APTX: variants seen among roughly 807,000 people sequenced by gnomAD.
APTX encodes aprataxin, also known as forkhead-associated domain histidine triad-like protein.
APTX carries 33 observed loss-of-function variants against 42.3 expected under a neutral mutation model. The ratio of observed to expected loss-of-function variants is 0.78; its 90% confidence interval spans 0.59 to 1.04. APTX has a LOEUF of 1.04. APTX is among the 50% of genes least tolerant of loss of function. The probability of loss-of-function intolerance (pLI) is 0.00; values close to 1 mark genes in which losing one functional copy is unlikely to be tolerated. For missense variants in APTX, 421 were observed against 415.1 expected (o/e 1.01, Z -0.12); for synonymous variants, 130 against 146.7 (o/e 0.89, Z 0.82).
chr9:33,010,995 T>TAAAGAAAAA, intron 1 of APTX, among the ~76,000 whole-genome samples: 1 of 151,794 alleles, frequency 6.6e-6, no homozygotes, highest in South Asian at 2.1e-4. Context: ...GTACAAAAAT[T>TAAAGAAAAA]AACAGAGCGT....
At chr9:32,985,288 T>C (rs559044633) in intron 5 of APTX, among the ~76,000 whole-genome samples, 1 of 151,916 alleles carries the variant, frequency 6.6e-6, no homozygotes, top group South Asian at 2.1e-4. Context: ...AGGAATATAA[T>C]TGAAGTGGGA....
upstream of APTX, among the ~76,000 whole-genome samples, chr9:33,005,932 G>A (rs1179928008): frequency 1.3e-5 from 2 of 151,976 alleles, no homozygotes; most frequent in Non-Finnish European, 2.9e-5. Flanking sequence ...CCATCAGTCT[G>A]TATGTCTGTC....
At chr9:33,004,631 T>G (rs1045238696), upstream of APTX, among the ~76,000 whole-genome samples, 1 of 58,540 alleles carries the variant, frequency 1.7e-5, no homozygotes, top group African/African-American at 5.6e-5. Flanking sequence ...TTGCCAACCC[T>G]TTTTTTTTTT....
chr9:33,018,174 G>T (rs1360996440), intron 1 of APTX, among the ~76,000 whole-genome samples: 2 of 150,248 alleles, frequency 1.3e-5, no homozygotes, highest in Non-Finnish European at 3.0e-5. Context: ...GCGGTGGCAC[G>T]ATCTCAGCTT....
At chr9:33,001,789 A>G, upstream of APTX, 1 of 740,894 alleles carries the variant, frequency 1.3e-6, no homozygotes, top group Non-Finnish European at 2.3e-6. Flanking sequence ...CCTGGAAGTT[A>G]TGCCTGTGGG....
chr9:33,008,361 T>C (rs561757265), intron 1 of APTX, among the ~76,000 whole-genome samples: 2 of 152,082 alleles, frequency 1.3e-5, no homozygotes, highest in South Asian at 4.1e-4. Flanking sequence ...ATAACCTTTA[T>C]GATATTAAGG....
intron 6 of APTX, among the ~76,000 whole-genome samples, chr9:32,978,763 G>A (rs183693436): frequency 7.4e-4 from 113 of 152,298 alleles, no homozygotes; most frequent in Non-Finnish European, 1.4e-3. Context: ...GTGGGGGACA[G>A]GAGAGCAGGA....
At chr9:33,011,507 G>C (rs1012817430) in intron 1 of APTX, among the ~76,000 whole-genome samples, 1 of 151,850 alleles carries the variant, frequency 6.6e-6, no homozygotes, top group African/African-American at 2.4e-5. Context: ...GGCTGGTCTC[G>C]AACTCCTGAC....
rs1420592729 is a variant in APTX, at chr9:32,973,259, T to A, written c.*239A>T. 1 of 613,850 alleles carries A rather than the reference T, an allele frequency of 1.6e-6. No individual in the cohort carries two copies. The highest frequency in any genetic ancestry group is 3.0e-6 in the Non-Finnish European group (1 of 330,998). 38.0% of individuals were successfully genotyped at this position (613,850 alleles called of 1,614,324 possible). ...CTGACATGGGTCCTTCTGAAGATGG[T>A]GGGTCAGGTATATCCCAGCCACCCT... is the stretch of plus-strand genomic sequence containing the variant. On this transcript the variant is annotated 3_prime_UTR_variant, in exon 8 of 8. Coordinates refer to ENST00000379817, the MANE Select transcript of APTX (RefSeq NM_001195248.2).
intron 1 of APTX, among the ~76,000 whole-genome samples, chr9:33,022,716 A>C (rs1838486518): frequency 6.6e-6 from 1 of 152,260 alleles, no homozygotes; most frequent in Non-Finnish European, 1.5e-5. Context: ...TGACAAAGTG[A>C]AAAGGGCAAG....
chr9:32,982,404 T>A (rs1219999167), intron 6 of APTX, among the ~76,000 whole-genome samples: 1 of 152,194 alleles, frequency 6.6e-6, no homozygotes, highest in East Asian at 1.9e-4. Context: ...GGTCTACAGT[T>A]TAGTAAGTTA....
upstream of APTX, among the ~76,000 whole-genome samples, chr9:33,005,844 C>G (rs926709813): frequency 1.3e-5 from 2 of 152,184 alleles, no homozygotes; most frequent in African/African-American, 4.8e-5. Context: ...CCTTTCCTCA[C>G]TGAATGGTAT....
chr9:33,010,994 T>G (rs1200876012), intron 1 of APTX, among the ~76,000 whole-genome samples: 2 of 151,506 alleles, frequency 1.3e-5, no homozygotes, highest in Non-Finnish European at 2.9e-5. Flanking sequence ...AGTACAAAAA[T>G]TAACAGAGCG....
chr9:33,007,450 C>T (rs1837240784), intron 1 of APTX, among the ~76,000 whole-genome samples: 1 of 152,170 alleles, frequency 6.6e-6, no homozygotes, highest in Non-Finnish European at 1.5e-5. Flanking sequence ...AAGCAGTTAG[C>T]AGTTTACTGA....
intron 1 of APTX, chr9:32,997,393 T>C (rs1835195494): frequency 6.6e-6 from 1 of 152,118 alleles, no homozygotes. Flanking sequence ...ATAGTAGATG[T>C]GGTAAACATG....
At chr9:33,004,014 C>T (rs1836943027), upstream of APTX, among the ~76,000 whole-genome samples, 1 of 152,174 alleles carries the variant, frequency 6.6e-6, no homozygotes, top group African/African-American at 2.4e-5. Flanking sequence ...GAACATGGAA[C>T]CAACCTAAAT....
chr9:32,984,951 G>C (rs1831578905), intron 5 of APTX, 94 bp from the exon 6 acceptor site: 10 of 1,198,418 alleles, frequency 8.3e-6, no homozygotes, highest in Non-Finnish European at 1.2e-5. Context: ...AATTCCCACA[G>C]TCTTGTGCAA....
chr9:33,011,169 G>T (rs1837514327), intron 1 of APTX, among the ~76,000 whole-genome samples: 1 of 152,032 alleles, frequency 6.6e-6, no homozygotes, highest in Non-Finnish European at 1.5e-5. Context: ...AAAGTGGTGA[G>T]GATGTCTTGG....
chr9:32,992,354 C>T (rs892751538), intron 1 of APTX, among the ~76,000 whole-genome samples: 4 of 152,148 alleles, frequency 2.6e-5, no homozygotes, highest in South Asian at 2.1e-4. Context: ...AAGATTAGTG[C>T]GAGTATATGA....
Sources: gnomAD v4.1 joint callset for allele counts (sites outside exome capture counted in the v4.1 genomes callset) on GRCh38, gnomAD v4.1.1 for gene constraint, MANE v1.5 for transcripts, NCBI Gene and HGNC (gene_info 2026-07-23, HGNC 2026-07-21) for gene names.